Variants in SRSF1 observed in about 807,000 individuals in gnomAD.
SRSF1 encodes serine and arginine rich splicing factor 1, also known as serine/arginine-rich splicing factor 1.
A neutral mutation model predicts 25.9 loss-of-function variants in SRSF1; 1 was observed. The ratio of observed to expected loss-of-function variants is 0.04; its 90% CI spans 0.01 to 0.18. The LOEUF (loss-of-function observed/expected upper bound fraction) is 0.18, where lower values mean the gene tolerates loss of function less well. Among genes scored for constraint, SRSF1 ranks in the 10% least tolerant of loss-of-function variants. The pLI is 1.00. For missense variants in SRSF1, 65 were observed against 350.5 expected (o/e 0.19, Z 6.50); for synonymous variants, 132 against 126.2 (o/e 1.05, Z -0.31).
Position 58,003,406 on chromosome 17 carries a change from C to T in SRSF1, c.*2000G>A, listed in dbSNP as rs2075406361. The T allele has an allele frequency of 6.6e-6, 1 of 152,138 alleles. No individual in the cohort carries two copies. The highest frequency in any genetic ancestry group is 2.4e-5 in the African/African-American group (1 of 41,416). The allele number at this position is 152,138 out of a possible 1,614,324, so 9.4% of individuals were successfully genotyped here. ...TTTGCTAACACATTAACACAAGAGT[C>T]AAAATCTTATCTTACTTAACAATTT... On this transcript the variant is annotated 3_prime_UTR_variant, in exon 4 of 4. Coordinates refer to ENST00000258962, the MANE Select transcript of SRSF1 (RefSeq NM_006924.5).
At chr17:57,997,733 T>A (rs2075370517), downstream of SRSF1, among the ~76,000 whole-genome samples, 1 of 152,174 alleles carries the variant, frequency 6.6e-6, no homozygotes, top group Non-Finnish European at 1.5e-5. Flanking sequence ...CTTGAAGAAC[T>A]CTATTTGGCA....
At chr17:57,995,067 T>C in the SRSF1 span, among the ~76,000 whole-genome samples, 1 of 152,240 alleles carries the variant, frequency 6.6e-6, no homozygotes, top group African/African-American at 2.4e-5. Flanking sequence ...AGTGATAGTT[T>C]TGACACTGTA....
the SRSF1 span, chr17:57,991,649 C>T: frequency 6.8e-6 from 1 of 146,982 alleles, no homozygotes; most frequent in African/African-American, 2.6e-5. Flanking sequence ...CCCCCCCCAT[C>T]CCCCCTTAAA....
rs114844757 is a variant in SRSF1 at position 58,004,622 on chromosome 17, C to T, written c.*784G>A. ...CCTGTACCCACATGTACACCAACAG[C>T]AGGTCACACATTAACAGTTGTAACT... is the stretch of plus-strand genomic sequence containing the variant. On this transcript the variant is annotated 3_prime_UTR_variant, in exon 4 of 4. Transcript: ENST00000258962. 219 of 209,578 alleles carry T rather than the reference C, an allele frequency of 1.0e-3. No individual in the cohort carries two copies. Among genetic ancestry groups the T allele is most frequent in the African/African-American group, 4.7e-3 (207 of 43,954 alleles). The allele number at this position is 209,578 out of a possible 1,614,324, so 13.0% of individuals were successfully genotyped here.
the SRSF1 span, chr17:57,989,909 A>C: frequency 2.5e-6 from 1 of 396,572 alleles, no homozygotes; most frequent in Non-Finnish European, 4.4e-6. Context: ...GAATTAACTA[A>C]GTAAACTAAA....
Position 58,004,764 on chromosome 17 carries a change from C to A in SRSF1, c.*642G>T, listed in dbSNP as rs2075415749. On this transcript the variant is annotated 3_prime_UTR_variant, in exon 4 of 4. Coordinates refer to ENST00000258962, the MANE Select transcript of SRSF1 (RefSeq NM_006924.5). Reference sequence around the variant, plus strand: ...GGGCAATATAATTTTGCCACAATTGCCAAGGTTTAAAAAGCAAAGCAATTG... The same window carrying A: ...GGGCAATATAATTTTGCCACAATTGACAAGGTTTAAAAAGCAAAGCAATTG... 2.6e-6 allele frequency: 1 copy of A among 389,152 alleles called. No homozygotes were observed. The highest frequency in any genetic ancestry group is 2.1e-5 in the African/African-American group (1 of 48,392). The allele number at this position is 389,152 out of a possible 1,614,324, so 24.1% of individuals were successfully genotyped here. A position where few individuals can be genotyped will look rare whatever the true frequency, so the allele number is the denominator to read the frequency against.
chr17:57,999,158 C>T (rs2075375835), downstream of SRSF1, among the ~76,000 whole-genome samples: 1 of 152,190 alleles, frequency 6.6e-6, no homozygotes, highest in Non-Finnish European at 1.5e-5. Context: ...TAAGCTGACA[C>T]ATAAGTAGGA....
downstream of SRSF1, among the ~76,000 whole-genome samples, chr17:57,996,518 A>C (rs1406116977): frequency 1.4e-5 from 2 of 143,066 alleles, no homozygotes; most frequent in Admixed American, 7.1e-5. Flanking sequence ...CTTTGCTCTC[A>C]GTTTACTATG....
chr17:58,005,328 T>A lies in SRSF1; in HGVS notation c.*78A>T. ...CCCATTCTGAACAAAACAGTTTGAA[T>A]TAAAAAATGAAAAGATTGTACTGAA... On this transcript the variant is annotated 3_prime_UTR_variant, in exon 4 of 4. Transcript: ENST00000258962. This position sits in a 1 kb window ranked among gnomAD's most constrained non-coding sequence, Gnocchi z 5.2. The A allele has an allele frequency of 1.3e-6, 2 of 1,509,036 alleles. No individual in the cohort carries two copies. Among genetic ancestry groups the A allele is most frequent in the Non-Finnish European group, 1.8e-6 (2 of 1,104,234 alleles). The allele number at this position is 1,509,036 out of a possible 1,614,324, so 93.5% of individuals were successfully genotyped here.
At chr17:57,995,879 A>G in the SRSF1 span, among the ~76,000 whole-genome samples, 2 of 152,214 alleles carry the variant, frequency 1.3e-5, no homozygotes, top group African/African-American at 4.8e-5. Flanking sequence ...GCAGTGGCTC[A>G]TATCTGTAAT....
chr17:58,006,764 G>A, intron 1 of SRSF1, 180 bp downstream of exon 1: 1 of 911,008 alleles, frequency 1.1e-6, no homozygotes, highest in South Asian at 1.8e-5. Context: ...GACGTCCAAG[G>A]CGAGGCGCCA....
chr17:57,996,493 A>AAAAAC (rs1567745662), downstream of SRSF1, among the ~76,000 whole-genome samples: 1 of 150,832 alleles, frequency 6.6e-6, no homozygotes, highest in Non-Finnish European at 1.5e-5. Context: ...TAAAAAAAAA[A>AAAAAC]AAAAAAAAAA....
rs1337687473 is a variant in SRSF1, at chr17:58,006,485, G to A, written c.237C>T (p.Tyr79=). ...ACTCCACCCGCAGACGGTACCCATC[G>A]TAATCATAGCCGTCGCGACCATACA... is the stretch of plus-strand genomic sequence containing the variant. The part of the protein sequence containing the change: ...DAVYGRDGYD[Y]DGYRLRVEFP... Residue 79 remains tyrosine (Y), a synonymous_variant, in exon 2 of 4, where the codon TAC becomes TAT. Transcript: ENST00000258962. 6.2e-7 allele frequency: 1 copy of A among 1,613,298 alleles called. No individual in the cohort carries two copies. The highest frequency in any genetic ancestry group is 1.7e-5 in the Admixed American group (1 of 59,992).
Position 58,006,718 on chromosome 17 carries a change from TCA to T in SRSF1, c.195-193_195-192del, listed in dbSNP as rs2075431593. 5 of 869,658 alleles carry T rather than the reference TCA, an allele frequency of 5.7e-6. No individual in the cohort carries two copies. The South Asian group carries it at 7.7e-5, about 13-fold the overall frequency. The allele number at this position is 869,658 out of a possible 1,614,324, so 53.9% of individuals were successfully genotyped here. On this transcript the variant is annotated intron_variant, in intron 1 of 3. Coordinates refer to ENST00000258962, the MANE Select transcript of SRSF1 (RefSeq NM_006924.5). ...AACCACTACACCAGCCCTCAGCGCC[TCA>T]GTTTCCCGCTCCAGCCTGCGAATGG...
In SRSF1 at chr17:58,005,919, C is replaced by T. The variant is rs769867343; in HGVS notation, c.434G>A (p.Gly145Asp). The change falls in exon 3 of 4, where the codon GGT (glycine) becomes GAT (aspartate). Residue 145 changes from glycine to aspartate, a missense_variant. By Grantham distance (94) the Gly-to-Asp change is moderately conservative. Around this residue, in one of 2 missense-constraint regions of SRSF1, gnomAD observed 63 missense variants for 284.8 expected, o/e 0.22. Transcript: ENST00000258962. The surrounding 1 kb of genome is among the most constrained non-coding windows in gnomAD (Gnocchi z 5.2). ...QDLKDHMREA[G>D]DVCYADVYRD... Reference sequence around the variant, plus strand: ...GTAAACATCAGCATAACATACATCACCTGCTTCACGCATGTGATCCTTTAA... The same window carrying T: ...GTAAACATCAGCATAACATACATCATCTGCTTCACGCATGTGATCCTTTAA... 6.2e-7 allele frequency: 1 copy of T among 1,613,934 alleles called. No homozygotes were observed.
the SRSF1 span, chr17:57,991,934 A>G: frequency 6.6e-6 from 1 of 152,188 alleles, no homozygotes; most frequent in Non-Finnish European, 1.5e-5. Flanking sequence ...CAATGTAACA[A>G]ATCTACCCAT....
the SRSF1 span, chr17:57,992,773 A>C: frequency 7.2e-5 from 11 of 152,254 alleles, no homozygotes; most frequent in African/African-American, 2.7e-4. Context: ...CCAAACTCCA[A>C]GAGAAACATC....
downstream of SRSF1, among the ~76,000 whole-genome samples, chr17:57,996,220 T>G (rs532785888): frequency 2.6e-5 from 4 of 152,006 alleles, no homozygotes; most frequent in African/African-American, 9.6e-5. Context: ...CGCGGTGGCT[T>G]ATGCCTGTAA....
chr17:57,998,558 G>A (rs1444595174), downstream of SRSF1, among the ~76,000 whole-genome samples: 1 of 152,126 alleles, frequency 6.6e-6, no homozygotes, highest in East Asian at 1.9e-4. Context: ...GCTTCAGAGT[G>A]CATCTTCAAA....
Sources: allele counts gnomAD v4.1 joint callset (sites outside exome capture counted in the v4.1 genomes callset), GRCh38; gene constraint gnomAD v4.1.1; regional missense constraint gnomAD v4.1.1; non-coding constraint Gnocchi (gnomAD v3.1); transcripts MANE v1.5; gene names NCBI Gene and HGNC (gene_info 2026-07-23, HGNC 2026-07-21).